The following TENM1 variants were observed in gnomAD, a reference collection of about 807,000 sequenced individuals.
The protein encoded by TENM1 is teneurin transmembrane protein 1.
Under a neutral mutation model 174.8 loss-of-function variants are expected in TENM1, and 35 were observed. That is an observed-to-expected ratio of 0.20 (90% confidence interval 0.15 to 0.27). The LOEUF (loss-of-function observed/expected upper bound fraction) is 0.27. Among genes scored for constraint, TENM1 ranks in the 10% least tolerant of loss-of-function variants. The pLI, the probability that TENM1 is intolerant of heterozygous loss-of-function variation, is 1.00. For missense variants in TENM1, 1,633 were observed against 2,130.1 expected, an observed-to-expected ratio of 0.77 and a Z score of 4.59; for synonymous variants, 781 against 798.7, an observed-to-expected ratio of 0.98 and a Z score of 0.37.
chrX:124,607,384 A>C lies in TENM1; in HGVS notation c.2077+34407T>G, dbSNP rs1056854903. On this transcript the variant is annotated intron_variant, in intron 11 of 31. Coordinates refer to ENST00000422452, the Ensembl canonical transcript of TENM1. ...TTGGGTGATCAGGGAAAGCCTCTCTAATAATTTATCAATTGAACAAAGACT... is the reference window on the plus strand; with the variant it reads ...TTGGGTGATCAGGGAAAGCCTCTCTCATAATTTATCAATTGAACAAAGACT... Among the ~76,000 whole-genome samples, 3 of 111,145 alleles carry C rather than the reference A, an allele frequency of 2.7e-5. No homozygotes were observed. The Admixed American group carries it at 2.9e-4, about 11-fold the overall frequency.
chrX:124,837,157 T>C (rs7051653), intron 3 of TENM1, among the ~76,000 whole-genome samples: 4,054 of 112,386 alleles, frequency 0.036, 97 homozygotes, highest in African/African-American at 0.08. Flanking sequence ...GGCATGGTCT[T>C]GGCTCACTGC....
chrX:124,862,401 C>T (rs748243770), intron 3 of TENM1, among the ~76,000 whole-genome samples: 2 of 111,800 alleles, frequency 1.8e-5, no homozygotes, highest in African/African-American at 3.2e-5. Context: ...ATACCCCCCT[C>T]CCCCCATTGC....
At chrX:124,651,681 C>T (rs2051313763) in intron 8 of TENM1, among the ~76,000 whole-genome samples, 2 of 111,025 alleles carry the variant, frequency 1.8e-5, no homozygotes, top group Admixed American at 1.9e-4. Flanking sequence ...AGATGTATGG[C>T]AAGTGTCCTA....
At chrX:124,979,226 T>C in the TENM1 span, among the ~76,000 whole-genome samples, 1 of 112,556 alleles carries the variant, frequency 8.9e-6, no homozygotes, top group East Asian at 2.8e-4. Context: ...AATAGTTTAT[T>C]GAAATACAAA....
the TENM1 span, among the ~76,000 whole-genome samples, chrX:124,972,839 G>C: frequency 8.9e-6 from 1 of 112,186 alleles, no homozygotes; most frequent in Non-Finnish European, 1.9e-5. Context: ...TAACACTCAA[G>C]AGTTGAACTG....
chrX:124,502,306 A>G (rs1383187968), intron 19 of TENM1, among the ~76,000 whole-genome samples: 3 of 112,724 alleles, frequency 2.7e-5, no homozygotes, highest in East Asian at 2.8e-4. Flanking sequence ...CCCAAAGCCA[A>G]CTTTCTGAAT....
At chrX:125,139,061 T>C in the TENM1 span, among the ~76,000 whole-genome samples, 3 of 111,394 alleles carry the variant, frequency 2.7e-5, no homozygotes, top group African/African-American at 9.8e-5. Flanking sequence ...AAAATGCTTA[T>C]TGAGCCCATT....
intron 11 of TENM1, among the ~76,000 whole-genome samples, chrX:124,616,006 A>G (rs991579710): frequency 8.9e-6 from 1 of 112,945 alleles, no homozygotes; most frequent in Non-Finnish European, 1.9e-5. Context: ...TACTTAAAGT[A>G]TTCTTTAATC....
the TENM1 span, among the ~76,000 whole-genome samples, chrX:125,096,042 C>G: frequency 8.9e-6 from 1 of 111,823 alleles, no homozygotes; most frequent in African/African-American, 3.3e-5. Flanking sequence ...TAGAGTGATA[C>G]CAACCTTGTC....
At chrX:124,592,458 CAG>C (rs2049776432) in intron 11 of TENM1, among the ~76,000 whole-genome samples, 1 of 87,364 alleles carries the variant, frequency 1.1e-5, no homozygotes, top group Non-Finnish European at 2.2e-5. Context: ...TTTTTTGAGA[CAG>C]AGTATTGCTC....
the TENM1 span, among the ~76,000 whole-genome samples, chrX:125,028,890 A>C: frequency 8.9e-6 from 1 of 111,848 alleles, no homozygotes; most frequent in Non-Finnish European, 1.9e-5. Context: ...TTGAAAATAG[A>C]TTTAAAGAAA....
intron 4 of TENM1, among the ~76,000 whole-genome samples, chrX:124,730,996 C>T (rs2053552441): frequency 9.0e-6 from 1 of 110,772 alleles, no homozygotes; most frequent in South Asian, 3.8e-4. Flanking sequence ...CTGTTGAAAC[C>T]AGTGTGTCTG....
At chrX:125,155,820 C>T in the TENM1 span, among the ~76,000 whole-genome samples, 1 of 112,389 alleles carries the variant, frequency 8.9e-6, no homozygotes, top group African/African-American at 3.2e-5. Context: ...GCTGGCAGCC[C>T]GGGTTCCCGC....
At chrX:125,178,760 T>C in the TENM1 span, among the ~76,000 whole-genome samples, 1 of 111,392 alleles carries the variant, frequency 9.0e-6, no homozygotes, top group East Asian at 2.8e-4. Flanking sequence ...TTGCCACCTA[T>C]GAGCAAATTT....
chrX:124,872,212 G>A (rs188791948), intron 3 of TENM1, among the ~76,000 whole-genome samples: 12 of 110,391 alleles, frequency 1.1e-4, no homozygotes, highest in African/African-American at 4.0e-4. Flanking sequence ...TACTAATTTT[G>A]TTTTGGTCCA....
chrX:124,863,445 C>A (rs890049312), intron 3 of TENM1, among the ~76,000 whole-genome samples: 3 of 111,120 alleles, frequency 2.7e-5, no homozygotes, highest in African/African-American at 9.8e-5. Context: ...ATTTAAAAGA[C>A]CCTCTGCCTT....
At chrX:124,898,851 G>A in intron 1 of TENM1, among the ~76,000 whole-genome samples, 1 of 111,704 alleles carries the variant, frequency 9.0e-6, no homozygotes, top group Non-Finnish European at 1.9e-5. Flanking sequence ...ATCCTGCTTT[G>A]CCTACAAAGA....
At chrX:125,105,128 G>C in the TENM1 span, among the ~76,000 whole-genome samples, 1 of 111,712 alleles carries the variant, frequency 9.0e-6, no homozygotes, top group Non-Finnish European at 1.9e-5. Context: ...ATGTGACAAG[G>C]TTTGTGAACT....
the TENM1 span, among the ~76,000 whole-genome samples, chrX:125,195,322 G>A: frequency 9.8e-5 from 11 of 111,698 alleles, no homozygotes; most frequent in Admixed American, 1.9e-4. Flanking sequence ...TCTGGGACCA[G>A]TGTTCTCTCA....
Sources: gnomAD v4.1 joint callset for allele counts (sites outside exome capture counted in the v4.1 genomes callset) on GRCh38, gnomAD v4.1.1 for gene constraint, MANE v1.5 for transcripts, NCBI Gene and HGNC (gene_info 2026-07-23, HGNC 2026-07-21) for gene names.